UBE2E2: variants seen among roughly 807,000 people sequenced by gnomAD.
The protein encoded by UBE2E2 is ubiquitin conjugating enzyme E2 E2.
UBE2E2 carries 6 observed loss-of-function variants against 24.7 expected under a neutral mutation model. The observed-to-expected ratio is 0.24, with a 90% CI of 0.13 to 0.48. The LOEUF (loss-of-function observed/expected upper bound fraction) is 0.48. Ranked by LOEUF, UBE2E2 falls within the 20% of genes least tolerant of loss-of-function variation. The pLI is 0.99. For missense variants in UBE2E2, 169 were observed against 245.0 expected, an observed-to-expected ratio of 0.69 and a Z score of 2.07; for synonymous variants, 104 against 83.6, an observed-to-expected ratio of 1.24 and a Z score of -1.33.
intron 3 of UBE2E2, among the ~76,000 whole-genome samples, chr3:23,242,404 A>G (rs1229006321): frequency 9.3e-6 from 1 of 107,744 alleles, no homozygotes; most frequent in Non-Finnish European, 1.7e-5. Context: ...CCCCCCCAGT[A>G]TAGTCATGAG....
intron 3 of UBE2E2, among the ~76,000 whole-genome samples, chr3:23,468,950 T>A (rs949633374): frequency 5.9e-5 from 9 of 152,244 alleles, no homozygotes; most frequent in African/African-American, 2.2e-4. Flanking sequence ...GTGGATCTTA[T>A]GTGACCTCAT....
chr3:23,499,931 G>A (rs1217077661), intron 4 of UBE2E2, among the ~76,000 whole-genome samples, 191 bp downstream of exon 4: 2 of 152,072 alleles, frequency 1.3e-5, no homozygotes, highest in African/African-American at 4.8e-5. Context: ...GCTTTTTACT[G>A]ATTTCATTGT....
intron 3 of UBE2E2, among the ~76,000 whole-genome samples, chr3:23,358,338 ATGATGGTTCACAGAACCAGTGG>A (rs1237008509): frequency 6.6e-6 from 1 of 152,234 alleles, no homozygotes; most frequent in Non-Finnish European, 1.5e-5. Context: ...AACTTTGTGT[ATGATGGTTCACAGAACCAGTGG>A]TGATGGTTCA....
chr3:23,399,508 G>A (rs1697165412), intron 3 of UBE2E2, among the ~76,000 whole-genome samples: 1 of 152,074 alleles, frequency 6.6e-6, no homozygotes, highest in Non-Finnish European at 1.5e-5. Flanking sequence ...AGTTAGGTTG[G>A]TACAAAAGTA....
chr3:23,574,197 G>A (rs1696291414), intron 5 of UBE2E2, among the ~76,000 whole-genome samples: 1 of 152,126 alleles, frequency 6.6e-6, no homozygotes, highest in African/African-American at 2.4e-5. Flanking sequence ...TGAAGATAGA[G>A]AGTAGAAGAA....
chr3:23,290,015 A>T (rs1245973240), intron 3 of UBE2E2, among the ~76,000 whole-genome samples: 1 of 152,236 alleles, frequency 6.6e-6, no homozygotes, highest in East Asian at 1.9e-4. Flanking sequence ...AAACATTTCT[A>T]AGGGGAAATT....
At chr3:23,401,562 CTGTAAAGAAGCTATAT>C (rs1292925088) in intron 3 of UBE2E2, among the ~76,000 whole-genome samples, 1 of 152,090 alleles carries the variant, frequency 6.6e-6, no homozygotes, top group East Asian at 1.9e-4. Flanking sequence ...ACTTACTATG[CTGTAAAGAAGCTATAT>C]CGTTCTAACT....
intron 3 of UBE2E2, among the ~76,000 whole-genome samples, chr3:23,227,510 C>T (rs1696859262): frequency 1.3e-5 from 2 of 152,192 alleles, no homozygotes; most frequent in East Asian, 3.9e-4. Context: ...ACATTGAGGA[C>T]CTATGTTATT....
intron 3 of UBE2E2, among the ~76,000 whole-genome samples, chr3:23,369,107 G>A (rs1696334571): frequency 6.6e-6 from 1 of 152,184 alleles, no homozygotes; most frequent in Non-Finnish European, 1.5e-5. Flanking sequence ...TTATTTGAAA[G>A]TTTTATTTCT....
At chr3:23,448,783 G>T (rs1698490286) in intron 3 of UBE2E2, among the ~76,000 whole-genome samples, 1 of 152,122 alleles carries the variant, frequency 6.6e-6, no homozygotes, top group Admixed American at 6.6e-5. Flanking sequence ...TTGCTCTTTG[G>T]GAGCGTAGTT....
chr3:23,464,836 T>C (rs555891720), intron 3 of UBE2E2, among the ~76,000 whole-genome samples: 33 of 152,330 alleles, frequency 2.2e-4, no homozygotes, highest in African/African-American at 7.7e-4. Flanking sequence ...AATGAGATGA[T>C]AATGTGAGAA....
At chr3:23,258,757 G>A (rs1024251560) in intron 3 of UBE2E2, among the ~76,000 whole-genome samples, 1 of 151,900 alleles carries the variant, frequency 6.6e-6, no homozygotes, top group Admixed American at 6.5e-5. Context: ...GCCGGGCGTG[G>A]TGGCGGGCGC....
At chr3:23,491,250 C>T (rs189346233) in intron 3 of UBE2E2, among the ~76,000 whole-genome samples, 1 of 152,332 alleles carries the variant, frequency 6.6e-6, no homozygotes, top group Admixed American at 6.5e-5. Context: ...TCAGACACTA[C>T]AGTACTGGCC....
At chr3:23,489,193 A>G (rs1387722065) in intron 3 of UBE2E2, among the ~76,000 whole-genome samples, 1 of 152,180 alleles carries the variant, frequency 6.6e-6, no homozygotes, top group Non-Finnish European at 1.5e-5. Context: ...TGGTTTTGGG[A>G]TGATTCAAGC....
At chr3:23,272,776 T>C (rs1698279961) in intron 3 of UBE2E2, among the ~76,000 whole-genome samples, 2 of 152,096 alleles carry the variant, frequency 1.3e-5, no homozygotes, top group South Asian at 2.1e-4. Flanking sequence ...AGGAGAGCTG[T>C]GGCGTAGTAG....
At chr3:23,306,753 A>G (rs757369405) in intron 3 of UBE2E2, among the ~76,000 whole-genome samples, 2 of 152,202 alleles carry the variant, frequency 1.3e-5, no homozygotes, top group Non-Finnish European at 2.9e-5. Flanking sequence ...CGGAGCAAGA[A>G]CCACCATTGA....
At chr3:23,512,572 C>T (rs1485814436) in intron 4 of UBE2E2, among the ~76,000 whole-genome samples, 4 of 151,840 alleles carry the variant, frequency 2.6e-5, no homozygotes, top group African/African-American at 9.7e-5. Flanking sequence ...GTGTTCTTTT[C>T]TGTAGTCCCT....
intron 5 of UBE2E2, among the ~76,000 whole-genome samples, chr3:23,540,788 C>CA (rs1229236972): frequency 1.3e-5 from 2 of 152,084 alleles, no homozygotes; most frequent in African/African-American, 4.8e-5. Context: ...AATCAGAACT[C>CA]ACTGCAGCCC....
At chr3:23,551,626 G>C (rs1695646139) in intron 5 of UBE2E2, among the ~76,000 whole-genome samples, 1 of 152,142 alleles carries the variant, frequency 6.6e-6, no homozygotes, top group South Asian at 2.1e-4. Flanking sequence ...GAGAAGGTGT[G>C]GTTAGAAAGA....
Sources: gnomAD v4.1 joint callset for allele counts (sites outside exome capture counted in the v4.1 genomes callset) on GRCh38, gnomAD v4.1.1 for gene constraint, MANE v1.5 for transcripts, NCBI Gene and HGNC (gene_info 2026-07-23, HGNC 2026-07-21) for gene names.